The following ADAM2 variants were observed in gnomAD, a reference collection of about 807,000 sequenced individuals.
ADAM2 encodes the protein disintegrin and metalloproteinase domain-containing protein 2.
Under a neutral mutation model 99.3 loss-of-function variants are expected in ADAM2, and 101 were observed. That is an observed-to-expected ratio of 1.02 (90% CI 0.87 to 1.20). The LOEUF is 1.20. Among genes scored for constraint, ADAM2 ranks in the 50% most tolerant of loss-of-function variants. ADAM2 has a pLI of 0.00. For missense variants in ADAM2, 948 were observed against 878.7 expected (o/e 1.08, Z -1.00); for synonymous variants, 323 against 287.6 (o/e 1.12, Z -1.25).
intron 14 of ADAM2, 50 bp downstream of exon 14, chr8:39,766,798 C>G: frequency 1.6e-6 from 2 of 1,242,008 alleles, no homozygotes; most frequent in South Asian, 2.8e-5. Flanking sequence ...TATTTCTGTT[C>G]AGTTTCCAGA....
At chr8:39,800,823 G>T (rs182722119) in intron 7 of ADAM2, among the ~76,000 whole-genome samples, 85 of 152,188 alleles carry the variant, frequency 5.6e-4, no homozygotes, top group African/African-American at 1.8e-3. Flanking sequence ...TTCAGCTGTT[G>T]ATACTTGTGT....
chr8:39,760,736 A>G (rs1409900931), intron 15 of ADAM2, among the ~76,000 whole-genome samples: 1 of 137,634 alleles, frequency 7.3e-6, no homozygotes, highest in Non-Finnish European at 1.5e-5. Context: ...TAAAATAAAA[A>G]AATAAAAAAA....
intron 11 of ADAM2, among the ~76,000 whole-genome samples, chr8:39,776,592 C>T (rs1386321775): frequency 6.6e-6 from 1 of 152,020 alleles, no homozygotes; most frequent in Non-Finnish European, 1.5e-5. Flanking sequence ...ATACTGCAAA[C>T]GACTTTCTCT....
chr8:39,761,183 C>T lies in ADAM2; in HGVS notation c.1606G>A (p.Glu536Lys), dbSNP rs1232906520. 2 of 1,568,232 alleles carry T rather than the reference C, an allele frequency of 1.3e-6. No individual in the cohort carries two copies. The highest frequency in any genetic ancestry group is 1.7e-6 in the Non-Finnish European group (2 of 1,154,122). Residue 536 changes from glutamate (E) to lysine (K), a missense_variant, in exon 15 of 21, where the codon GAA becomes AAA. Physicochemically the swap from Glu to Lys is moderately conservative, Grantham distance 56. Transcript: ENST00000265708. ...GISDSGYTQC[E>K]ADNLQCGKLI... The stretch of plus-strand genomic sequence containing the variant: ...AGATTTCTGAAAACATACTCAGCTT[C>T]ACACTGTGTGTATCCTGAATCACTT...
In ADAM2 at chr8:39,755,713, T is replaced by TAAA. The variant is rs1333326739; in HGVS notation, c.1797+12_1797+14dup. On this transcript the variant is annotated intron_variant, in intron 16 of 20. Coordinates refer to ENST00000265708, the MANE Select transcript of ADAM2 (RefSeq NM_001464.5). ...AAAATATTAGGAAATTATTTGGGAA[T>TAAA]AAAAGACTACCTACCTTATTTGAAC... The TAAA allele has an allele frequency of 6.3e-7, 1 of 1,596,026 alleles. No homozygotes were observed. Among genetic ancestry groups the TAAA allele is most frequent in the South Asian group, 1.1e-5 (1 of 89,052 alleles).
intron 6 of ADAM2, among the ~76,000 whole-genome samples, chr8:39,818,717 T>C (rs889400212): frequency 6.6e-6 from 1 of 152,010 alleles, no homozygotes; most frequent in African/African-American, 2.4e-5. Context: ...GTTTGTCAAG[T>C]TCACAGAATA....
At chr8:39,791,103 C>A (rs1803693631) in intron 7 of ADAM2, among the ~76,000 whole-genome samples, 2 of 151,076 alleles carry the variant, frequency 1.3e-5, no homozygotes, top group Non-Finnish European at 1.5e-5. Flanking sequence ...GTGACTTATG[C>A]TAAAGTTTCA....
chr8:39,749,226 A>G (rs558780591), intron 18 of ADAM2, 86 bp downstream of exon 18: 2 of 1,250,422 alleles, frequency 1.6e-6, no homozygotes, highest in African/African-American at 1.5e-5. Context: ...CTAGATATAA[A>G]TTGGTAGACA....
chr8:39,746,635 G>T lies in ADAM2; in HGVS notation c.2015-4C>A. The T allele has an allele frequency of 6.4e-7, 1 of 1,551,464 alleles. No individual in the cohort carries two copies. On this transcript the variant is annotated splice_region_variant and splice_polypyrimidine_tract_variant and intron_variant, in intron 18 of 20. Coordinates refer to ENST00000265708, the MANE Select transcript of ADAM2 (RefSeq NM_001464.5). ...ATGTTCTCAATGTAGCGCCTTTCTA[G>T]AAGAAAAAAAAATCAAAGATTTGAA...
At chr8:39,800,239 G>T (rs190596394) in intron 7 of ADAM2, among the ~76,000 whole-genome samples, 8 of 152,050 alleles carry the variant, frequency 5.3e-5, no homozygotes. Context: ...AAATCCCTCA[G>T]CATTTGCTTG....
At chr8:39,807,839 A>G (rs1448525009) in intron 7 of ADAM2, among the ~76,000 whole-genome samples, 3 of 152,238 alleles carry the variant, frequency 2.0e-5, no homozygotes, top group Admixed American at 2.0e-4. Flanking sequence ...AAATTACTGT[A>G]AGACACTTAA....
At chr8:39,779,808 T>G (rs1388164504) in intron 10 of ADAM2, among the ~76,000 whole-genome samples, 1 of 152,142 alleles carries the variant, frequency 6.6e-6, no homozygotes, top group Non-Finnish European at 1.5e-5. Flanking sequence ...GCATAACATG[T>G]GAGCATTCTC....
intron 10 of ADAM2, among the ~76,000 whole-genome samples, chr8:39,783,909 C>T (rs1359607590): frequency 6.6e-6 from 1 of 151,600 alleles, no homozygotes; most frequent in Non-Finnish European, 1.5e-5. Flanking sequence ...CGCGCCACCC[C>T]ATTCCAGCCT....
intron 3 of ADAM2, among the ~76,000 whole-genome samples, chr8:39,827,611 AAAGCAAAAT>A (rs1805462640): frequency 6.6e-6 from 1 of 152,184 alleles, no homozygotes; most frequent in South Asian, 2.1e-4. Context: ...GGCATTATGT[AAAGCAAAAT>A]AAGCCAAGTT....
At chr8:39,797,912 A>T (rs1804038030) in intron 7 of ADAM2, among the ~76,000 whole-genome samples, 2 of 152,230 alleles carry the variant, frequency 1.3e-5, no homozygotes, top group Admixed American at 6.5e-5. Flanking sequence ...ATTTTGCTGA[A>T]GTTGTTTATC....
chr8:39,783,262 A>C (rs1345549313), intron 10 of ADAM2, among the ~76,000 whole-genome samples: 1 of 152,150 alleles, frequency 6.6e-6, no homozygotes, highest in Non-Finnish European at 1.5e-5. Context: ...TTTGGTAAAT[A>C]CTCTACATTA....
At chr8:39,770,072 A>T (rs766090981) in intron 11 of ADAM2, among the ~76,000 whole-genome samples, 35 of 151,286 alleles carry the variant, frequency 2.3e-4, no homozygotes, top group Non-Finnish European at 4.9e-4. Flanking sequence ...CAGCCTCCCA[A>T]GTAACTGGGA....
chr8:39,744,795 G>T, intron 20 of ADAM2, 35 bp downstream of exon 20: 1 of 1,402,974 alleles, frequency 7.1e-7, no homozygotes. Flanking sequence ...AGTACTTAAA[G>T]TAAAATAAAT....
At chr8:39,765,601 C>T (rs1802539806) in intron 14 of ADAM2, among the ~76,000 whole-genome samples, 1 of 152,148 alleles carries the variant, frequency 6.6e-6, no homozygotes, top group South Asian at 2.1e-4. Flanking sequence ...AAAAGTTTGT[C>T]TTTTGCTCCC....
Sources: allele counts gnomAD v4.1 joint callset (sites outside exome capture counted in the v4.1 genomes callset), GRCh38; gene constraint gnomAD v4.1.1; transcripts MANE v1.5; gene names NCBI Gene and HGNC (gene_info 2026-07-23, HGNC 2026-07-21).